Variants in SRGAP1 observed in about 807,000 individuals in gnomAD.
The protein encoded by SRGAP1 is SLIT-ROBO Rho GTPase-activating protein 1.
SRGAP1 carries 43 observed loss-of-function variants against 121.9 expected under a neutral mutation model. That is an observed-to-expected ratio of 0.35 (90% CI 0.28 to 0.46). SRGAP1 has a LOEUF of 0.46. Among genes scored for constraint, SRGAP1 ranks in the 20% least tolerant of loss-of-function variants. The probability of loss-of-function intolerance (pLI) is 1.00; values close to 1 mark genes in which losing one functional copy is unlikely to be tolerated. For missense variants in SRGAP1, 1,102 were observed against 1,350.9 expected (o/e 0.82, Z 2.89); for synonymous variants, 447 against 485.4 (o/e 0.92, Z 1.04).
chr12:63,977,433 G>C (rs762673648), intron 1 of SRGAP1, among the ~76,000 whole-genome samples: 2 of 152,130 alleles, frequency 1.3e-5, no homozygotes, highest in Admixed American at 6.5e-5. Context: ...TCACACCAGC[G>C]TATCAATTTT....
rs1457135304 is a variant in SRGAP1 at position 64,154,515 on chromosome 12, T to C, written c.*11843T>C. ...AATCAAGATTTGCTAATAAATTAAA[T>C]ATGGGAATAAAGAAAGAAAAGAATC... On this transcript the variant is annotated 3_prime_UTR_variant, in exon 22 of 22. Coordinates refer to ENST00000355086, the MANE Select transcript of SRGAP1 (RefSeq NM_020762.4). 4.6e-5 allele frequency: 7 copies of C among 152,062 alleles called. No homozygotes were observed. Among genetic ancestry groups the C allele is most frequent in the African/African-American group, 1.4e-4 (6 of 41,382 alleles). 9.4% of individuals were successfully genotyped at this position (152,062 alleles called of 1,614,324 possible). A position where few individuals can be genotyped will look rare whatever the true frequency, so the allele number is the denominator to read the frequency against.
At position 63,981,073 on chromosome 12, in the gene SRGAP1, T is replaced by A. The variant is rs184493719; in HGVS notation, c.68-2874T>A. ...GATGCTCTGGATTCTGTTCCTTACA[T>A]GTTTCCTGTTATGGAGAATGCTGAG... On this transcript the variant is annotated intron_variant, in intron 1 of 21. Transcript: ENST00000355086. Among the ~76,000 whole-genome samples, 207 of 152,328 alleles carry A rather than the reference T, an allele frequency of 1.4e-3. 1 individual carries two copies. The highest frequency in any genetic ancestry group is 9.3e-4 in the Non-Finnish European group (63 of 68,024).
intron 4 of SRGAP1, among the ~76,000 whole-genome samples, chr12:64,031,607 A>G (rs539446818): frequency 2.5e-4 from 38 of 152,110 alleles, no homozygotes; most frequent in Non-Finnish European, 5.1e-4. Flanking sequence ...CAGTAAGGAC[A>G]CTGTTTTCAT....
rs763782085 is a variant in SRGAP1 at position 64,063,108 on chromosome 12, G to A, written c.993G>A (p.Lys331=). 4 of 1,613,708 alleles carry A rather than the reference G, an allele frequency of 2.5e-6. No homozygotes were observed. In the Admixed American group the frequency reaches 6.7e-5, roughly 27 times the overall value. The change falls in exon 7 of 22, where the codon AAG becomes AAA. Residue 331 remains lysine, a synonymous_variant. Transcript: ENST00000355086. ...CTGCTGCGTTCTGTCCACCAATGAA[G>A]TTTGAGTTTCAGTCTCACATGGGTG... ...MYPAAFCPPM[K]FEFQSHMGDE...
At chr12:63,892,034 A>T (rs571474991) in intron 1 of SRGAP1, among the ~76,000 whole-genome samples, 1 of 152,134 alleles carries the variant, frequency 6.6e-6, no homozygotes, top group East Asian at 1.9e-4. Flanking sequence ...TGAAGGTCGT[A>T]GAAAAAATAT....
intron 4 of SRGAP1, among the ~76,000 whole-genome samples, chr12:64,027,466 C>CAGG (rs1388198893): frequency 6.6e-6 from 1 of 151,896 alleles, no homozygotes; most frequent in African/African-American, 2.4e-5. Context: ...AGAGGATAGC[C>CAGG]AGGATTTCAA....
At chr12:63,925,353 G>A (rs1040594265) in intron 1 of SRGAP1, among the ~76,000 whole-genome samples, 2 of 152,290 alleles carry the variant, frequency 1.3e-5, no homozygotes, top group East Asian at 1.9e-4. Flanking sequence ...AAATAAATGA[G>A]ATGTATAATG....
At chr12:63,923,607 C>CTTGATAATTT (rs1391847509) in intron 1 of SRGAP1, among the ~76,000 whole-genome samples, 1 of 152,132 alleles carries the variant, frequency 6.6e-6, no homozygotes, top group African/African-American at 2.4e-5. Flanking sequence ...TTTAAGATTC[C>CTTGATAATTT]TTGATAATTT....
chr12:63,930,774 C>T (rs1288943525), intron 1 of SRGAP1, among the ~76,000 whole-genome samples: 1 of 151,914 alleles, frequency 6.6e-6, no homozygotes, highest in Non-Finnish European at 1.5e-5. Context: ...ATTCAAAAAG[C>T]GTCAAGAATG....
intron 3 of SRGAP1, among the ~76,000 whole-genome samples, chr12:63,990,873 T>C (rs75760336): frequency 0.018 from 2,716 of 152,302 alleles, 75 homozygotes; most frequent in African/African-American, 0.062. Flanking sequence ...AGACCAGCAG[T>C]AGAGGCTGTG....
At chr12:64,037,826 C>A (rs1250304384) in intron 4 of SRGAP1, among the ~76,000 whole-genome samples, 1 of 152,196 alleles carries the variant, frequency 6.6e-6, no homozygotes, top group Non-Finnish European at 1.5e-5. Flanking sequence ...AAGATGGAAA[C>A]CAAGTATTTC....
At chr12:64,104,831 T>C (rs1197150273) in intron 15 of SRGAP1, among the ~76,000 whole-genome samples, 2 of 152,184 alleles carry the variant, frequency 1.3e-5, no homozygotes, top group Admixed American at 6.5e-5. Context: ...CTTATGTCCT[T>C]GTTGCTTTTC....
intron 3 of SRGAP1, among the ~76,000 whole-genome samples, chr12:63,995,646 G>A (rs778094952): frequency 3.9e-5 from 6 of 152,096 alleles, no homozygotes; most frequent in Non-Finnish European, 7.4e-5. Flanking sequence ...CAAGTTATAG[G>A]GAGGGATTCA....
chr12:63,880,175 C>T (rs1038932452), intron 1 of SRGAP1, among the ~76,000 whole-genome samples: 14 of 152,158 alleles, frequency 9.2e-5, no homozygotes, highest in Admixed American at 1.3e-4. Flanking sequence ...TCTCCTCCTT[C>T]GCCTACCGCC....
At position 64,097,388 on chromosome 12, in the gene SRGAP1, T is replaced by A; in HGVS notation, c.1813+13T>A. On this transcript the variant is annotated intron_variant, in intron 15 of 21. Transcript: ENST00000355086. Reference sequence around the variant, plus strand: ...ATTTCTTGTATCAGTAAGTGGACATTTTTTTCATCTTTTCCCACAAGAATT... The same window carrying A: ...ATTTCTTGTATCAGTAAGTGGACATATTTTTCATCTTTTCCCACAAGAATT... 1.2e-6 allele frequency: 2 copies of A among 1,604,004 alleles called. No individual in the cohort carries two copies. Among genetic ancestry groups the A allele is most frequent in the Non-Finnish European group, 1.7e-6 (2 of 1,177,456 alleles).
chr12:64,032,921 T>C (rs1174602087), intron 4 of SRGAP1, among the ~76,000 whole-genome samples: 1 of 152,174 alleles, frequency 6.6e-6, no homozygotes, highest in Non-Finnish European at 1.5e-5. Context: ...TTTATCATTA[T>C]ACAAAGTATG....
intron 4 of SRGAP1, among the ~76,000 whole-genome samples, chr12:64,025,138 T>A (rs17100011): frequency 0.043 from 5,875 of 138,130 alleles, 386 homozygotes; most frequent in African/African-American, 0.15. Flanking sequence ...CCTTGTCTCT[T>A]TAAAACGTTT....
chr12:63,888,352 A>T (rs764425689), intron 1 of SRGAP1: 2 of 151,546 alleles, frequency 1.3e-5, no homozygotes, highest in African/African-American at 2.4e-5. Context: ...TATTTTTTCC[A>T]CTTGTGTCTT....
intron 6 of SRGAP1, among the ~76,000 whole-genome samples, chr12:64,052,457 A>G (rs1385755128): frequency 6.6e-6 from 1 of 152,098 alleles, no homozygotes; most frequent in Non-Finnish European, 1.5e-5. Flanking sequence ...CAGGAGGCTG[A>G]GGCAGGAGAA....
Sources: gnomAD v4.1 joint callset for allele counts (sites outside exome capture counted in the v4.1 genomes callset) on GRCh38, gnomAD v4.1.1 for gene constraint, MANE v1.5 for transcripts, NCBI Gene and HGNC (gene_info 2026-07-23, HGNC 2026-07-21) for gene names.